PFKFB3: variants seen among roughly 807,000 people sequenced by gnomAD.
PFKFB3 encodes the protein 6-phosphofructo-2-kinase/fructose-2,6-bisphosphatase 3.
In PFKFB3, 33 loss-of-function variants were observed where a neutral mutation model predicts 68.0. The ratio of observed to expected loss-of-function variants is 0.49; its 90% confidence interval spans 0.37 to 0.65. The LOEUF (loss-of-function observed/expected upper bound fraction) is 0.65, where lower values mean the gene tolerates loss of function less well. Among genes scored for constraint, PFKFB3 ranks in the 30% least tolerant of loss-of-function variants. The probability of loss-of-function intolerance (pLI) is 0.00; values close to 1 mark genes in which losing one functional copy is unlikely to be tolerated. For synonymous variants in PFKFB3, 315 were observed against 288.2 expected (o/e 1.09, Z -0.94); for missense variants, 586 against 712.2 (o/e 0.82, Z 2.02).
intron 1 of PFKFB3, among the ~76,000 whole-genome samples, chr10:6,207,511 C>T (rs1194166592): frequency 6.6e-6 from 1 of 152,110 alleles, no homozygotes; most frequent in African/African-American, 2.4e-5. Context: ...AGGCTGATCT[C>T]GAACTCCTGG....
intron 1 of PFKFB3, among the ~76,000 whole-genome samples, chr10:6,190,555 C>T (rs1564608500): frequency 1.3e-5 from 2 of 152,186 alleles, no homozygotes; most frequent in South Asian, 4.1e-4. Flanking sequence ...TAATCCAGCA[C>T]TTTGGGAGAC....
At chr10:6,243,092 C>T (rs1278967664) in intron 14 of PFKFB3, among the ~76,000 whole-genome samples, 2 of 152,222 alleles carry the variant, frequency 1.3e-5, no homozygotes, top group African/African-American at 2.4e-5. Flanking sequence ...GACTCGGCAA[C>T]ACCCTACCAG....
rs78815004 is a variant in PFKFB3, at chr10:6,168,864, G to A, written c.16+23851G>A. On this transcript the variant is annotated intron_variant, in intron 1 of 14. Transcript: ENST00000379789. ...CTGACTTACATTCAAAGCACTTCAC[G>A]GAATCCATCTGCCCAGACAACCTCC... is the stretch of plus-strand genomic sequence containing the variant. Among the ~76,000 whole-genome samples the A allele has an allele frequency of 7.1e-3, 1,083 of 152,276 alleles. 13 individuals are homozygous for A. Among genetic ancestry groups the A allele is most frequent in the South Asian group, 0.057 (276 of 4,822 alleles).
At position 6,154,088 on chromosome 10, in the gene PFKFB3, C is replaced by T. The variant is rs138660015; in HGVS notation, c.16+9075C>T. On this transcript the variant is annotated intron_variant, in intron 1 of 14. Transcript: ENST00000379789. The surrounding 1 kb of genome is among the most constrained non-coding windows in gnomAD (Gnocchi z 4.6). ...GCAGGAGGAACCTGCGGGCCAGCACCGCTTCTGCAGGGTGAGAGGGTGGAA... is the reference window on the plus strand; with the variant it reads ...GCAGGAGGAACCTGCGGGCCAGCACTGCTTCTGCAGGGTGAGAGGGTGGAA... Among the ~76,000 whole-genome samples the T allele has an allele frequency of 5.0e-4, 76 of 152,192 alleles. No individual in the cohort carries two copies. Among genetic ancestry groups the T allele is most frequent in the African/African-American group, 1.7e-3 (71 of 41,536 alleles).
At chr10:6,277,382 A>G in the PFKFB3 span, among the ~76,000 whole-genome samples, 98 of 145,886 alleles carry the variant, frequency 6.7e-4, no homozygotes, top group African/African-American at 2.4e-3. Context: ...CAACACGCCC[A>G]GCTAATTTTT....
rs1845495316 is a variant in PFKFB3, at chr10:6,228,340, G to A, written c.1515+1975G>A. The A allele has an allele frequency of 5.6e-6, 6 of 1,079,716 alleles. No homozygotes were observed. In the South Asian group the frequency reaches 6.3e-5, roughly 11 times the overall value. 66.9% of individuals were successfully genotyped at this position (1,079,716 alleles called of 1,614,324 possible). On this transcript the variant is annotated intron_variant, in intron 14 of 14. Transcript: ENST00000379775. The surrounding 1 kb of genome is among the most constrained non-coding windows in gnomAD (Gnocchi z 4.5). ...TTTTGTGATGTGAGGTCTTCCGTGG[G>A]GGAAGGAGGAGATGGGCGTAGGAGT... is the stretch of plus-strand genomic sequence containing the variant.
chr10:6,307,258 C>T, the PFKFB3 span, among the ~76,000 whole-genome samples: 3,446 of 152,006 alleles, frequency 0.023, 135 homozygotes, highest in African/African-American at 0.079. Context: ...CCCAGAATCC[C>T]ATGAGCCAGT....
intron 1 of PFKFB3, among the ~76,000 whole-genome samples, chr10:6,182,336 T>G (rs912323627): frequency 6.6e-6 from 1 of 151,312 alleles, no homozygotes; most frequent in Non-Finnish European, 1.5e-5. Flanking sequence ...TGCAGGAGGG[T>G]CTGAGCTGGG....
At chr10:6,274,844 A>C in the PFKFB3 span, among the ~76,000 whole-genome samples, 250 of 151,970 alleles carry the variant, frequency 1.6e-3, no homozygotes, top group African/African-American at 5.7e-3. Flanking sequence ...TCAAAAAAAA[A>C]ACAAAAAACA....
chr10:6,151,719 C>G lies in PFKFB3; in HGVS notation c.16+6706C>G, dbSNP rs538413661. ...GGGCAAACGGGAAGTCGGGAGGGTA[C>G]CCTCCCCGCTCCCTGAGAAGTGTGG... On this transcript the variant is annotated intron_variant, in intron 1 of 14. Coordinates refer to the PFKFB3 transcript ENST00000379789. Among the ~76,000 whole-genome samples, 68 of 152,254 alleles carry G rather than the reference C, an allele frequency of 4.5e-4. 1 individual carries two copies. The highest frequency in any genetic ancestry group is 1.6e-3 in the African/African-American group (68 of 41,560).
chr10:6,165,307 G>T (rs1218090762), intron 1 of PFKFB3, among the ~76,000 whole-genome samples: 1 of 151,994 alleles, frequency 6.6e-6, no homozygotes, highest in African/African-American at 2.4e-5. Context: ...TACAGCACAT[G>T]TTTCTGTGAG....
chr10:6,183,489 C>T (rs1842775613), intron 1 of PFKFB3, among the ~76,000 whole-genome samples: 1 of 151,710 alleles, frequency 6.6e-6, no homozygotes, highest in Admixed American at 6.6e-5. Flanking sequence ...TGGTAGGTGG[C>T]AGTGAAAACT....
At chr10:6,195,084 C>T (rs1303651827) in intron 1 of PFKFB3, among the ~76,000 whole-genome samples, 1 of 152,096 alleles carries the variant, frequency 6.6e-6, no homozygotes, top group Non-Finnish European at 1.5e-5. Flanking sequence ...ATTGGTCAGT[C>T]TGGTCTTGAA....
intron 1 of PFKFB3, among the ~76,000 whole-genome samples, chr10:6,184,988 T>G (rs993890696): frequency 3.3e-5 from 5 of 152,136 alleles, no homozygotes; most frequent in African/African-American, 1.2e-4. Context: ...GCTTCGCACG[T>G]TCACTCTTTT....
chr10:6,262,701 G>A, the PFKFB3 span, among the ~76,000 whole-genome samples: 1 of 152,146 alleles, frequency 6.6e-6, no homozygotes, highest in South Asian at 2.1e-4. Flanking sequence ...AGGTTTCAGA[G>A]TCTGAAAACC....
chr10:6,305,913 C>T, the PFKFB3 span, among the ~76,000 whole-genome samples: 48 of 152,330 alleles, frequency 3.2e-4, no homozygotes, highest in South Asian at 5.4e-3. Context: ...TTTGAGGTAA[C>T]AACTTCTAAG....
the PFKFB3 span, among the ~76,000 whole-genome samples, chr10:6,275,381 C>G: frequency 6.6e-6 from 1 of 152,246 alleles, no homozygotes; most frequent in Non-Finnish European, 1.5e-5. The surrounding 1 kb of genome is among the most constrained non-coding windows in gnomAD (Gnocchi z 4.9). Flanking sequence ...GGGCCTGCGC[C>G]TGACTCAGAC....
Position 6,221,764 on chromosome 10 carries a change from GGGCTGAC to G in PFKFB3, c.1083+22_1083+28del. 6.6e-7 allele frequency: 1 copy of G among 1,518,136 alleles called. No homozygotes were observed. Among genetic ancestry groups the G allele is most frequent in the Middle Eastern group, 2.2e-4 (1 of 4,638 alleles). The allele number at this position is 1,518,136 out of a possible 1,614,324, so 94.0% of individuals were successfully genotyped here. ...CGGGGAGGTGAGCGCAGGCTGGGGCGGGCTGACGGTCCCCAGCACACATGACCACTGC... is the reference window on the plus strand; with the variant it reads ...CGGGGAGGTGAGCGCAGGCTGGGGCGGGTCCCCAGCACACATGACCACTGC... On this transcript the variant is annotated intron_variant, in intron 10 of 14. Coordinates refer to ENST00000379775, the MANE Select transcript of PFKFB3 (RefSeq NM_004566.4).
At chr10:6,224,302 G>A in intron 13 of PFKFB3, 89 bp downstream of exon 13, 1 of 1,302,618 alleles carries the variant, frequency 7.7e-7, no homozygotes, top group Non-Finnish European at 1.1e-6. Context: ...GGGGCCGCTT[G>A]CCTGCAGGTG....
Sources: gnomAD v4.1 joint callset for allele counts (sites outside exome capture counted in the v4.1 genomes callset) on GRCh38, gnomAD v4.1.1 for gene constraint, Gnocchi (gnomAD v3.1) non-coding constraint, MANE v1.5 for transcripts, NCBI Gene and HGNC (gene_info 2026-07-23, HGNC 2026-07-21) for gene names.